Variants in ABHD12 observed in about 807,000 individuals in gnomAD.
ABHD12 encodes the protein lysophosphatidylserine lipase ABHD12.
In ABHD12, 43 loss-of-function variants were observed where a neutral mutation model predicts 58.3. That is an observed-to-expected ratio of 0.74 (90% confidence interval 0.58 to 0.95). The LOEUF (loss-of-function observed/expected upper bound fraction) is 0.95, where lower values mean the gene tolerates loss of function less well. ABHD12 is among the 40% of genes least tolerant of loss of function. The pLI is 0.00. For missense variants in ABHD12, 539 were observed against 537.2 expected, an observed-to-expected ratio of 1.00 and a Z score of -0.03; for synonymous variants, 219 against 211.2, an observed-to-expected ratio of 1.04 and a Z score of -0.32.
intron 10 of ABHD12, among the ~76,000 whole-genome samples, chr20:25,306,143 G>A (rs979253807): frequency 6.6e-6 from 1 of 151,074 alleles, no homozygotes; most frequent in African/African-American, 2.4e-5. Context: ...CTACAACCTG[G>A]GTGACAGAGC....
intron 10 of ABHD12, among the ~76,000 whole-genome samples, chr20:25,304,954 TG>T (rs2088708024): frequency 6.7e-6 from 1 of 150,260 alleles, no homozygotes; most frequent in African/African-American, 2.5e-5. Flanking sequence ...TGCAATGGCA[TG>T]ATCTTGGCTC....
At chr20:25,370,262 T>G (rs747257011) in intron 1 of ABHD12, among the ~76,000 whole-genome samples, 3 of 151,988 alleles carry the variant, frequency 2.0e-5, no homozygotes, top group Non-Finnish European at 4.4e-5. Flanking sequence ...CCCTACTCCC[T>G]CAGCTGGCAC....
chr20:25,300,927 C>A, intron 12 of ABHD12, 43 bp from the exon 13 acceptor site: 3 of 1,597,542 alleles, frequency 1.9e-6, no homozygotes, highest in East Asian at 4.5e-5. Context: ...TGAGCTCAGA[C>A]CAAAGATCCT....
chr20:25,305,001 T>C (rs2088709347), intron 10 of ABHD12, among the ~76,000 whole-genome samples: 1 of 151,934 alleles, frequency 6.6e-6, no homozygotes, highest in African/African-American at 2.4e-5. Context: ...GCCTCCCGAG[T>C]AGCTGGGATT....
downstream of ABHD12, among the ~76,000 whole-genome samples, chr20:25,299,396 T>C (rs926726118): frequency 6.6e-6 from 1 of 151,456 alleles, no homozygotes; most frequent in African/African-American, 2.4e-5. Context: ...TGAGACTGTC[T>C]CAAAAAAACA....
chr20:25,300,016 GCA>G (rs901864386), downstream of ABHD12, among the ~76,000 whole-genome samples: 2 of 152,164 alleles, frequency 1.3e-5, no homozygotes, highest in African/African-American at 4.8e-5. Flanking sequence ...TGCTGGGACT[GCA>G]ACTTGGAGAA....
chr20:25,388,794 T>C (rs1009241004), intron 1 of ABHD12, among the ~76,000 whole-genome samples: 8 of 148,602 alleles, frequency 5.4e-5, no homozygotes, highest in Non-Finnish European at 1.0e-4. Flanking sequence ...TTTCTTTTTT[T>C]TTTTTTTTTT....
intron 2 of ABHD12, among the ~76,000 whole-genome samples, chr20:25,327,579 G>A (rs549863620): frequency 6.6e-6 from 1 of 152,230 alleles, no homozygotes; most frequent in African/African-American, 2.4e-5. Context: ...CCTCCATGCT[G>A]TCCTTGTTTA....
At chr20:25,351,953 G>A (rs573473944) in intron 1 of ABHD12, among the ~76,000 whole-genome samples, 27 of 152,272 alleles carry the variant, frequency 1.8e-4, no homozygotes, top group African/African-American at 6.3e-4. Context: ...ATCTAACATG[G>A]TGCTAGGCAC....
intron 2 of ABHD12, among the ~76,000 whole-genome samples, chr20:25,325,400 C>G (rs1052999701): frequency 4.6e-5 from 7 of 152,068 alleles, no homozygotes; most frequent in Non-Finnish European, 1.0e-4. Flanking sequence ...GGCCTCACCC[C>G]CAGTACCTAA....
At chr20:25,305,101 A>G (rs1162963385) in intron 10 of ABHD12, among the ~76,000 whole-genome samples, 2 of 152,074 alleles carry the variant, frequency 1.3e-5, no homozygotes, top group African/African-American at 4.8e-5. Context: ...TCCTGACCTC[A>G]GGTAATCCAC....
chr20:25,351,590 C>A (rs1382134918), intron 1 of ABHD12, among the ~76,000 whole-genome samples: 1 of 152,196 alleles, frequency 6.6e-6, no homozygotes, highest in African/African-American at 2.4e-5. Context: ...TTGACCCTGG[C>A]CCTTAGGCTC....
rs192411017 is a variant in ABHD12, at chr20:25,324,605, C to T, written c.317-1175G>A. On this transcript the variant is annotated intron_variant, in intron 2 of 12. Coordinates refer to ENST00000339157, the MANE Select transcript of ABHD12 (RefSeq NM_001042472.3). The stretch of plus-strand genomic sequence containing the variant: ...TGCTGACAGCTGTCTCTGGTGAAGA[C>T]AGGGGTTGCGTGACTCCCATGTCCA... 1.3e-3 allele frequency among the ~76,000 whole-genome samples: 198 copies of T among 152,268 alleles called. 2 individuals are homozygous for T. Among genetic ancestry groups the T allele is most frequent in the African/African-American group, 4.5e-3 (185 of 41,554 alleles).
At chr20:25,358,330 T>G (rs1321155038) in intron 1 of ABHD12, among the ~76,000 whole-genome samples, 1 of 152,208 alleles carries the variant, frequency 6.6e-6, no homozygotes, top group Non-Finnish European at 1.5e-5. Flanking sequence ...GGATGCTGGG[T>G]GCACATCATA....
At chr20:25,376,684 G>A (rs7266057) in intron 1 of ABHD12, among the ~76,000 whole-genome samples, 3,169 of 152,192 alleles carry the variant, frequency 0.021, 102 homozygotes, top group African/African-American at 0.072. Context: ...CTTTGTTGCC[G>A]TGTTTCTCCT....
chr20:25,312,833 C>T (rs1439006290), intron 6 of ABHD12, among the ~76,000 whole-genome samples: 1 of 152,064 alleles, frequency 6.6e-6, no homozygotes, highest in East Asian at 1.9e-4. Context: ...CGGCCGCGAC[C>T]CCGTCTGGGA....
rs924317829 is a variant in ABHD12, at chr20:25,308,191, C to T, written c.788-146G>A. ...CCACCTCGGCAGGCCTCAGATAGCA[C>T]CAGGGGTGCCCGCCAGGGGAACAGA... On this transcript the variant is annotated intron_variant, in intron 8 of 12. Transcript: ENST00000339157. 3.7e-5 allele frequency: 28 copies of T among 751,570 alleles called. No homozygotes were observed. The African/African-American group carries it at 4.9e-4, about 13-fold the overall frequency. 46.6% of individuals were successfully genotyped at this position (751,570 alleles called of 1,614,324 possible). A position where few individuals can be genotyped will look rare whatever the true frequency, so the allele number is the denominator to read the frequency against.
intron 1 of ABHD12, among the ~76,000 whole-genome samples, chr20:25,371,897 C>T (rs2089903931): frequency 6.6e-6 from 1 of 152,198 alleles, no homozygotes; most frequent in Non-Finnish European, 1.5e-5. Context: ...GAAGATCTTT[C>T]TTTTTTACTA....
intron 7 of ABHD12, among the ~76,000 whole-genome samples, chr20:25,308,730 G>A (rs1265868563): frequency 6.6e-6 from 1 of 152,210 alleles, no homozygotes; most frequent in Non-Finnish European, 1.5e-5. Flanking sequence ...TCCCCGAGGT[G>A]TGTCCTGCTG....
Sources: allele counts gnomAD v4.1 joint callset (sites outside exome capture counted in the v4.1 genomes callset), GRCh38; gene constraint gnomAD v4.1.1; transcripts MANE v1.5; gene names NCBI Gene and HGNC (gene_info 2026-07-23, HGNC 2026-07-21).